Variants in FHIT observed in about 807,000 individuals in gnomAD.
The protein encoded by FHIT is bis(5'-adenosyl)-triphosphatase.
Under a neutral mutation model 17.9 loss-of-function variants are expected in FHIT, and 19 were observed. That is an observed-to-expected ratio of 1.06 (90% CI 0.74 to 1.56). The LOEUF (loss-of-function observed/expected upper bound fraction) is 1.56. Ranked by LOEUF, FHIT falls within the 40% of genes most tolerant of loss-of-function variation. The pLI, the probability that FHIT is intolerant of heterozygous loss-of-function variation, is 0.00. For synonymous variants in FHIT, 81 were observed against 69.7 expected (o/e 1.16, Z -0.81); for missense variants, 248 against 189.2 (o/e 1.31, Z -1.82).
intron 5 of FHIT, among the ~76,000 whole-genome samples, chr3:60,410,005 A>G (rs1486720754): frequency 6.6e-6 from 1 of 152,226 alleles, no homozygotes; most frequent in East Asian, 1.9e-4. Context: ...ACACCCTAAC[A>G]GATTTATTTT....
At chr3:59,986,501 AT>A (rs1196941211) in intron 7 of FHIT, among the ~76,000 whole-genome samples, 3 of 2,056 alleles carry the variant, frequency 1.5e-3, no homozygotes, top group African/African-American at 1.8e-3. Flanking sequence ...AGTCCAAAAT[AT>A]ATATATATAT....
At chr3:61,246,963 A>G (rs1245007364) in intron 1 of FHIT, among the ~76,000 whole-genome samples, 2 of 152,002 alleles carry the variant, frequency 1.3e-5, no homozygotes, top group African/African-American at 4.8e-5. Flanking sequence ...TCATACCCTA[A>G]GCACACAGAC....
At position 60,375,010 on chromosome 3, in the gene FHIT, C is replaced by G. The variant is rs1700487565; in HGVS notation, c.103+161850G>C. On this transcript the variant is annotated intron_variant, in intron 5 of 9. Coordinates refer to ENST00000492590, the MANE Select transcript of FHIT (RefSeq NM_002012.4). The stretch of plus-strand genomic sequence containing the variant: ...TATTTGGAGCCTGAAAGGAGAGACT[C>G]TAAGGGTAGCAGTGGTGTATGATAA... 3.3e-5 allele frequency among the ~76,000 whole-genome samples: 5 copies of G among 151,152 alleles called. No homozygotes were observed. In the South Asian group the frequency reaches 8.4e-4, roughly 25 times the overall value.
chr3:60,378,943 A>G lies in FHIT; in HGVS notation c.103+157917T>C, dbSNP rs7621056. Among the ~76,000 whole-genome samples the G allele has an allele frequency of 9.5e-4, 145 of 152,122 alleles. 1 individual carries two copies. The highest frequency in any genetic ancestry group is 3.2e-3 in the African/African-American group (133 of 41,504). On this transcript the variant is annotated intron_variant, in intron 5 of 9. Coordinates refer to ENST00000492590, the MANE Select transcript of FHIT (RefSeq NM_002012.4). ...AAGGAGGAGAATATAGCCCGTTGCA[A>G]GCACTACAATCAAGTAGGTGGTACA...
At chr3:60,717,606 G>T (rs970065786) in intron 4 of FHIT, among the ~76,000 whole-genome samples, 1 of 152,132 alleles carries the variant, frequency 6.6e-6, no homozygotes, top group Non-Finnish European at 1.5e-5. Context: ...GCGAAGATTT[G>T]AGCTTGAAGT....
chr3:60,501,904 G>T (rs1024970548), intron 5 of FHIT, among the ~76,000 whole-genome samples: 1 of 152,196 alleles, frequency 6.6e-6, no homozygotes, highest in Admixed American at 6.5e-5. Context: ...TCAAAGAAAA[G>T]CTAAAATGTG....
chr3:59,803,604 T>G (rs372062972), intron 8 of FHIT, among the ~76,000 whole-genome samples: 3 of 152,308 alleles, frequency 2.0e-5, no homozygotes, highest in African/African-American at 7.2e-5. Flanking sequence ...TGCATCTCGC[T>G]CCTCACTTAG....
chr3:60,822,645 G>T (rs7609794), intron 3 of FHIT, among the ~76,000 whole-genome samples: 34,997 of 151,894 alleles, frequency 0.23, 4,366 homozygotes, highest in African/African-American at 0.33. Context: ...CTATCAAACG[G>T]GTATAATAAT....
intron 4 of FHIT, among the ~76,000 whole-genome samples, chr3:60,648,376 C>T (rs566815328): frequency 6.6e-4 from 101 of 152,250 alleles, no homozygotes; most frequent in African/African-American, 2.1e-3. Context: ...GGGTTAACAA[C>T]TCATGATGCC....
chr3:60,753,902 C>G (rs1350052376), intron 4 of FHIT, among the ~76,000 whole-genome samples: 1 of 151,814 alleles, frequency 6.6e-6, no homozygotes, highest in Non-Finnish European at 1.5e-5. Flanking sequence ...GTATGTAAGG[C>G]CTGTGAACAG....
intron 5 of FHIT, among the ~76,000 whole-genome samples, chr3:60,418,722 G>T (rs1218233392): frequency 1.3e-5 from 2 of 150,680 alleles, no homozygotes; most frequent in Non-Finnish European, 2.9e-5. Context: ...TCATGCTACT[G>T]CACTCCAGCA....
At chr3:60,572,741 C>T (rs936294119) in intron 4 of FHIT, among the ~76,000 whole-genome samples, 6 of 152,134 alleles carry the variant, frequency 3.9e-5, no homozygotes, top group Non-Finnish European at 5.9e-5. Context: ...AGATGGGAGA[C>T]AGGGTCAGAT....
At chr3:60,729,140 T>A (rs1166306616) in intron 4 of FHIT, among the ~76,000 whole-genome samples, 1 of 152,146 alleles carries the variant, frequency 6.6e-6, no homozygotes, top group Non-Finnish European at 1.5e-5. Context: ...AGGCCACGGA[T>A]CAAAAATAAA....
chr3:60,924,676 T>C (rs1707480161), intron 3 of FHIT, among the ~76,000 whole-genome samples: 2 of 152,052 alleles, frequency 1.3e-5, no homozygotes. Flanking sequence ...GGAACGCAGC[T>C]CCTCACAAGC....
At chr3:59,917,464 C>T (rs913943049) in intron 8 of FHIT, among the ~76,000 whole-genome samples, 4 of 152,182 alleles carry the variant, frequency 2.6e-5, no homozygotes, top group Non-Finnish European at 4.4e-5. Flanking sequence ...TTTCCTCCCC[C>T]ACATTGGCTA....
chr3:59,972,208 T>C (rs1168878303), intron 7 of FHIT, among the ~76,000 whole-genome samples: 1 of 152,050 alleles, frequency 6.6e-6, no homozygotes, highest in Non-Finnish European at 1.5e-5. Context: ...ACATATAAAG[T>C]AAATACTCTA....
chr3:59,981,400 A>G (rs1269190442), intron 7 of FHIT, among the ~76,000 whole-genome samples: 1 of 152,156 alleles, frequency 6.6e-6, no homozygotes, highest in African/African-American at 2.4e-5. Flanking sequence ...CCTTCTGAAA[A>G]TGGGCCATTG....
chr3:61,014,735 G>A (rs191046524), intron 3 of FHIT, among the ~76,000 whole-genome samples: 10,136 of 126,632 alleles, frequency 0.08, 526 homozygotes, highest in Middle Eastern at 0.14. Context: ...AGCCAAGATC[G>A]CACCACTGCA....
At chr3:59,957,373 A>G (rs978908613) in intron 7 of FHIT, among the ~76,000 whole-genome samples, 9 of 152,252 alleles carry the variant, frequency 5.9e-5, no homozygotes, top group African/African-American at 2.2e-4. Context: ...GCCTCAGGGG[A>G]AATCAACTCT....
Sources: allele counts gnomAD v4.1 joint callset (sites outside exome capture counted in the v4.1 genomes callset), GRCh38; gene constraint gnomAD v4.1.1; transcripts MANE v1.5; gene names NCBI Gene and HGNC (gene_info 2026-07-23, HGNC 2026-07-21).